Variants in XDH observed in about 807,000 individuals in gnomAD.
XDH encodes xanthine dehydrogenase.
In XDH, 138 loss-of-function variants were observed where a neutral mutation model predicts 156.1. The observed-to-expected ratio is 0.88, with a 90% CI of 0.77 to 1.02. XDH has a LOEUF of 1.02. Ranked by LOEUF, XDH falls within the 50% of genes least tolerant of loss-of-function variation. The pLI, the probability that XDH is intolerant of heterozygous loss-of-function variation, is 0.00. For synonymous variants in XDH, 669 were observed against 625.7 expected, an observed-to-expected ratio of 1.07 and a Z score of -1.03; for missense variants, 1,849 against 1,684.9, an observed-to-expected ratio of 1.10 and a Z score of -1.71.
rs1408816100 is a variant in XDH at position 31,348,879 on chromosome 2, C to T, written c.3051+20G>A. On this transcript the variant is annotated intron_variant, in intron 27 of 35. Transcript: ENST00000379416. ...GGTCCCAGTCCAGCGGAGATGGACA[C>T]AATTCTATAAAGCAATTACCTGATT... The T allele has an allele frequency of 2.5e-6, 4 of 1,606,846 alleles. No individual in the cohort carries two copies. Among genetic ancestry groups the T allele is most frequent in the Non-Finnish European group, 2.6e-6 (3 of 1,173,394 alleles).
chr2:31,390,595 C>T (rs905778598), intron 6 of XDH, among the ~76,000 whole-genome samples: 20 of 152,202 alleles, frequency 1.3e-4, no homozygotes, highest in African/African-American at 4.8e-4. Flanking sequence ...AAATTGTCTT[C>T]CACAGTGGTT....
At chr2:31,365,309 A>G in intron 23 of XDH, 148 bp downstream of exon 23, 1 of 834,830 alleles carries the variant, frequency 1.2e-6, no homozygotes, top group Non-Finnish European at 2.0e-6. Context: ...CTGTTAGCCT[A>G]TTTGAATTTC....
chr2:31,384,973 A>G (rs1686546535), intron 9 of XDH, among the ~76,000 whole-genome samples: 1 of 152,174 alleles, frequency 6.6e-6, no homozygotes, highest in Admixed American at 6.6e-5. Context: ...GTCTTGAGAA[A>G]TCATTTCTAA....
chr2:31,395,556 T>A (rs1045322774), intron 6 of XDH, among the ~76,000 whole-genome samples: 34 of 152,350 alleles, frequency 2.2e-4, no homozygotes, highest in African/African-American at 7.7e-4. Flanking sequence ...TGTGAGGACC[T>A]GGTGGAGATC....
At chr2:31,399,169 G>A (rs910812512) in intron 4 of XDH, among the ~76,000 whole-genome samples, 3 of 152,210 alleles carry the variant, frequency 2.0e-5, no homozygotes, top group Non-Finnish European at 4.4e-5. Context: ...TGACTCAGAT[G>A]GGAGAAGACT....
rs45612738 is a variant in XDH at position 31,379,975 on chromosome 2, G to A, written c.1134C>T (p.Gly378=). 3.9e-3 allele frequency: 6,276 copies of A among 1,613,820 alleles called. 194 individuals carry two copies. In the African/African-American group the frequency reaches 0.069, roughly 18 times the overall value. The change falls in exon 13 of 36, where the codon GGC becomes GGT. Residue 378 remains glycine (G), a splice_region_variant and synonymous_variant. Coordinates refer to ENST00000379416, the MANE Select transcript of XDH (RefSeq NM_000379.4). ...GGTCCATCTGGACAGTTCTCCTGGT[G>A]CCTGTACAGAAGCAAGATGAAGAGG... ...SGAKLTLVSR[G]TRRTVQMDHT...
In XDH at chr2:31,350,088, T is replaced by A; in HGVS notation, c.2767A>T (p.Ile923Phe). Reference protein sequence around the residue: ...RGFGGPQGMLIAECWMSEVAV... With the variant: ...RGFGGPQGMLFAECWMSEVAV... ...ACTTCACTCATCCAGCACTCGGCAA[T>A]GAGCATCCCCTGGGGCCCCCCAAAG... is the stretch of plus-strand genomic sequence containing the variant. Residue 923 changes from isoleucine to phenylalanine, a missense_variant, in exon 25 of 36, where the codon ATT becomes TTT. Coordinates refer to ENST00000379416, the MANE Select transcript of XDH (RefSeq NM_000379.4). The A allele has an allele frequency of 1.2e-6, 2 of 1,614,228 alleles. No homozygotes were observed. The highest frequency in any genetic ancestry group is 1.1e-5 in the South Asian group (1 of 91,088).
At chr2:31,411,210 C>A (rs206807) in intron 1 of XDH, among the ~76,000 whole-genome samples, 7,432 of 149,334 alleles carry the variant, frequency 0.05, 292 homozygotes, top group African/African-American at 0.1. Context: ...TGAACCCAGG[C>A]GGCAAGGTTG....
intron 4 of XDH, 46 bp from the exon 5 acceptor site, chr2:31,398,745 C>T: frequency 6.2e-7 from 1 of 1,610,766 alleles, no homozygotes; most frequent in South Asian, 1.1e-5. Context: ...CAGAACCCTC[C>T]CAGGCTCCCC....
intron 12 of XDH, among the ~76,000 whole-genome samples, chr2:31,380,820 A>T (rs1686417518): frequency 6.6e-6 from 1 of 152,220 alleles, no homozygotes; most frequent in Non-Finnish European, 1.5e-5. Flanking sequence ...GACAAGGCAG[A>T]GATGCACTGG....
Position 31,366,007 on chromosome 2 carries a change from C to T in XDH, c.2425G>A (p.Val809Met), listed in dbSNP as rs1455637352. 1 of 1,614,090 alleles carries T rather than the reference C, an allele frequency of 6.2e-7. No homozygotes were observed. Among genetic ancestry groups the T allele is most frequent in the African/African-American group, 1.3e-5 (1 of 74,938 alleles). Residue 809 changes from valine (V) to methionine (M), a missense_variant, in exon 22 of 36, where the codon GTG (valine) becomes ATG (methionine). Coordinates refer to ENST00000379416, the MANE Select transcript of XDH (RefSeq NM_000379.4). The part of the protein sequence containing the change: ...FGGKETRSTV[V>M]STAVALAAYK... ...GCAGCCAGGGCCACTGCCGTGGACA[C>T]CACAGTGCTCCGGGTCTCCTTGCCT...
intron 17 of XDH, 36 bp downstream of exon 17, chr2:31,372,192 A>G (rs747265215): frequency 5.0e-6 from 8 of 1,614,058 alleles, no homozygotes; most frequent in Non-Finnish European, 5.9e-6. Context: ...GCCCCCTCAC[A>G]GCATTCCACC....
chr2:31,403,325 G>A lies in XDH; in HGVS notation c.101-181C>T, dbSNP rs544790668. 1.3e-5 allele frequency among the ~76,000 whole-genome samples: 2 copies of A among 152,308 alleles called. 1 individual carries two copies. Among genetic ancestry groups the A allele is most frequent in the South Asian group, 4.1e-4 (2 of 4,824 alleles). ...TCAGAGGGGCTGCACTGCACCCTAG[G>A]GAGGCAGGGAACACGGCCATCTCCA... On this transcript the variant is annotated intron_variant, in intron 2 of 35. Coordinates refer to ENST00000379416, the MANE Select transcript of XDH (RefSeq NM_000379.4).
intron 14 of XDH, 51 bp from the exon 15 acceptor site, chr2:31,375,605 CCTTTGTGTAGAG>C: frequency 6.3e-7 from 1 of 1,594,388 alleles, no homozygotes; most frequent in Non-Finnish European, 8.5e-7. Flanking sequence ...CCTCCAGACC[CCTTTGTGTAGAG>C]CTGTGTGCCC....
chr2:31,359,982 A>G (rs1685732970), intron 24 of XDH, among the ~76,000 whole-genome samples: 1 of 152,184 alleles, frequency 6.6e-6, no homozygotes, highest in Non-Finnish European at 1.5e-5. Flanking sequence ...ATGCTTGAGC[A>G]TTGGAGAATG....
chr2:31,343,575 C>CCTTATAT (rs1685199896), intron 31 of XDH, among the ~76,000 whole-genome samples: 2 of 142,170 alleles, frequency 1.4e-5, no homozygotes, highest in South Asian at 2.2e-4. Flanking sequence ...TATATATATT[C>CCTTATAT]AGTGTAATAT....
At chr2:31,413,939 T>A (rs992591880) in intron 1 of XDH, among the ~76,000 whole-genome samples, 1 of 152,136 alleles carries the variant, frequency 6.6e-6, no homozygotes, top group African/African-American at 2.4e-5. Context: ...CTGGTACCCA[T>A]GTCACCTTCC....
intron 1 of XDH, 129 bp from the exon 2 acceptor site, chr2:31,406,093 C>G: frequency 9.8e-7 from 1 of 1,021,344 alleles, no homozygotes. Flanking sequence ...AGTTTGCACT[C>G]TGCCCCTCTA....
At chr2:31,372,152 G>T in intron 17 of XDH, 76 bp downstream of exon 17, 1 of 1,608,208 alleles carries the variant, frequency 6.2e-7, no homozygotes, top group Non-Finnish European at 8.5e-7. Flanking sequence ...GCCTAGCAGG[G>T]TGAGAGAAGT....
Sources: gnomAD v4.1 joint callset for allele counts (sites outside exome capture counted in the v4.1 genomes callset) on GRCh38, gnomAD v4.1.1 for gene constraint, MANE v1.5 for transcripts, NCBI Gene and HGNC (gene_info 2026-07-23, HGNC 2026-07-21) for gene names.